Variants in NXN observed in about 807,000 individuals in gnomAD.
NXN encodes nucleoredoxin.
A neutral mutation model predicts 48.6 loss-of-function variants in NXN; 16 were observed. The ratio of observed to expected loss-of-function variants is 0.33; its 90% CI spans 0.22 to 0.50. The LOEUF (loss-of-function observed/expected upper bound fraction) is 0.50. Among genes scored for constraint, NXN ranks in the 20% least tolerant of loss-of-function variants. The pLI is 0.98. For synonymous variants in NXN, 281 were observed against 269.6 expected (o/e 1.04, Z -0.41); for missense variants, 492 against 605.5 (o/e 0.81, Z 1.97).
Position 837,119 on chromosome 17 carries a change from G to A in NXN, c.361-11041C>T, listed in dbSNP as rs140390588. Among the ~76,000 whole-genome samples the A allele has an allele frequency of 7.5e-3, 1,135 of 152,146 alleles. 17 individuals carry two copies. Among genetic ancestry groups the A allele is most frequent in the African/African-American group, 0.026 (1,074 of 41,496 alleles). On this transcript the variant is annotated intron_variant, in intron 1 of 7. Coordinates refer to ENST00000336868, the MANE Select transcript of NXN (RefSeq NM_022463.5). The stretch of plus-strand genomic sequence containing the variant: ...TCAGCCTCCGAGGAGCTGGGACTAC[G>A]GTCGCACACCACCATGCCTCACTAA...
At chr17:903,562 T>A (rs752286167) in intron 1 of NXN, among the ~76,000 whole-genome samples, 5 of 151,710 alleles carry the variant, frequency 3.3e-5, no homozygotes, top group African/African-American at 1.2e-4. Flanking sequence ...TTAAAATTTT[T>A]TGTAAAGACG....
At chr17:915,080 A>G (rs369362913) in intron 1 of NXN, among the ~76,000 whole-genome samples, 3 of 149,770 alleles carry the variant, frequency 2.0e-5, no homozygotes, top group Non-Finnish European at 1.5e-5. Context: ...GAATACAGGC[A>G]CCCGCCACAA....
In NXN at chr17:979,725, G is replaced by C. The variant is rs762098354; in HGVS notation, c.-47C>G. On this transcript the variant is annotated 5_prime_UTR_variant, in exon 1 of 8. Coordinates refer to ENST00000336868, the MANE Select transcript of NXN (RefSeq NM_022463.5). ...CAGGCGGCTGCGACCCCGCTCCACG[G>C]TCCGCGCGGCGGGAGGAGGCGGCGG... The C allele has an allele frequency of 6.2e-6, 8 of 1,284,030 alleles. No homozygotes were observed. Among genetic ancestry groups the C allele is most frequent in the Non-Finnish European group, 7.9e-6 (8 of 1,014,444 alleles). 79.5% of individuals were successfully genotyped at this position (1,284,030 alleles called of 1,614,324 possible). A position where few individuals can be genotyped will look rare whatever the true frequency, so the allele number is the denominator to read the frequency against.
intron 1 of NXN, among the ~76,000 whole-genome samples, chr17:962,052 T>G (rs2069243926): frequency 6.6e-6 from 1 of 152,134 alleles, no homozygotes; most frequent in Non-Finnish European, 1.5e-5. Flanking sequence ...GGAGAATCAC[T>G]TGAACCCGGG....
intron 1 of NXN, among the ~76,000 whole-genome samples, chr17:858,009 G>A (rs1264365951): frequency 2.1e-5 from 3 of 139,718 alleles, no homozygotes; most frequent in Admixed American, 7.6e-5. Context: ...TCGCTCTGTC[G>A]CCCCAGGCTG....
chr17:929,246 ACCACCTGGCCCAGG>A lies in NXN; in HGVS notation c.360+50059_360+50072del, dbSNP rs2068830269. Reference sequence around the variant, plus strand: ...GCTGCGGCCCTCCACTCTGTCCCCCACCACCTGGCCCAGGCCACTCGCTTCACCTGCCTGGCCCT... The same window carrying A: ...GCTGCGGCCCTCCACTCTGTCCCCCACCACTCGCTTCACCTGCCTGGCCCT... On this transcript the variant is annotated intron_variant, in intron 1 of 7. Coordinates refer to ENST00000336868, the MANE Select transcript of NXN (RefSeq NM_022463.5). Among the ~76,000 whole-genome samples, 4 of 152,266 alleles carry A rather than the reference ACCACCTGGCCCAGG, an allele frequency of 2.6e-5. No individual in the cohort carries two copies. The South Asian group carries it at 8.3e-4, about 32-fold the overall frequency.
intron 5 of NXN, among the ~76,000 whole-genome samples, chr17:809,892 A>C (rs75211558): frequency 0.19 from 22,975 of 121,520 alleles, 3,483 homozygotes; most frequent in East Asian, 0.3. Flanking sequence ...GTGTACGTTA[A>C]GAGTCCCTGT....
chr17:911,588 C>T (rs533196849), intron 1 of NXN, among the ~76,000 whole-genome samples: 2 of 152,028 alleles, frequency 1.3e-5, no homozygotes, highest in East Asian at 1.9e-4. Context: ...CTCAGCCTCC[C>T]AAAGTATTGG....
intron 1 of NXN, among the ~76,000 whole-genome samples, chr17:835,284 GA>G (rs1913747631): frequency 1.4e-5 from 2 of 146,060 alleles, no homozygotes; most frequent in Non-Finnish European, 3.0e-5. Context: ...CTCCAGCCTG[GA>G]AGACAGACCG....
chr17:809,864 C>A (rs1269815607), intron 5 of NXN, among the ~76,000 whole-genome samples: 1 of 151,668 alleles, frequency 6.6e-6, no homozygotes, highest in Non-Finnish European at 1.5e-5. Context: ...GGGCACCTTA[C>A]GAGTCAGTGT....
At chr17:884,247 T>TAAATAAATA (rs112696538) in intron 1 of NXN, among the ~76,000 whole-genome samples, 2,938 of 149,346 alleles carry the variant, frequency 0.02, 44 homozygotes, top group South Asian at 0.057. Flanking sequence ...AATAAATAAA[T>TAAATAAATA]AATAAAACGA....
At chr17:883,989 C>T (rs1442316131) in intron 1 of NXN, among the ~76,000 whole-genome samples, 3 of 152,092 alleles carry the variant, frequency 2.0e-5, no homozygotes, top group East Asian at 1.9e-4. Context: ...GAGGCCAAGA[C>T]GGGCGGATCA....
chr17:951,127 AG>A (rs1283322089), intron 1 of NXN, among the ~76,000 whole-genome samples: 1 of 137,266 alleles, frequency 7.3e-6, no homozygotes, highest in African/African-American at 2.7e-5. Context: ...TTTTGAGGTT[AG>A]AAGTTCGAAA....
chr17:859,588 T>C (rs1053310288), intron 1 of NXN, among the ~76,000 whole-genome samples: 3 of 152,032 alleles, frequency 2.0e-5, no homozygotes, highest in African/African-American at 7.2e-5. Context: ...ACTACTCAAA[T>C]ACAAAACAAC....
chr17:917,614 C>A lies in NXN; in HGVS notation c.360+61705G>T, dbSNP rs2068701457. ...GTGTCTACAGGCTCGATTCCCAGCT[C>A]TCCCACAAGGACGTGGCTCAGACGC... On this transcript the variant is annotated intron_variant, in intron 1 of 7. Transcript: ENST00000336868. The surrounding 1 kb of genome is among the most constrained non-coding windows in gnomAD (Gnocchi z 4.5). Among the ~76,000 whole-genome samples, 1 of 152,236 alleles carries A rather than the reference C, an allele frequency of 6.6e-6. No homozygotes were observed. Among genetic ancestry groups the A allele is most frequent in the South Asian group, 2.1e-4 (1 of 4,836 alleles).
At chr17:979,297 C>A in intron 1 of NXN, 22 bp downstream of exon 1, 1 of 1,301,462 alleles carries the variant, frequency 7.7e-7, no homozygotes, top group Non-Finnish European at 1.0e-6. Context: ...GGGCAGGGGC[C>A]GGCGAGGCCC....
chr17:818,209 C>T (rs192637927), intron 5 of NXN, among the ~76,000 whole-genome samples: 285 of 152,036 alleles, frequency 1.9e-3, no homozygotes, highest in Non-Finnish European at 3.0e-3. Flanking sequence ...TGTGGTGAGC[C>T]GAGATCACGC....
chr17:835,037 G>C lies in NXN; in HGVS notation c.361-8959C>G, dbSNP rs1009473979. ...GAAAACGTCACAGCAGGCCTGGCGC[G>C]GTGGCTCACGCCCGTAATCCCAGCA... On this transcript the variant is annotated intron_variant, in intron 1 of 7. Transcript: ENST00000336868. Among the ~76,000 whole-genome samples, 9 of 151,726 alleles carry C rather than the reference G, an allele frequency of 5.9e-5. 1 individual carries two copies. Among genetic ancestry groups the C allele is most frequent in the Admixed American group, 5.9e-4 (9 of 15,240 alleles).
chr17:952,218 T>G, intron 1 of NXN, among the ~76,000 whole-genome samples: 1 of 105,326 alleles, frequency 9.5e-6, no homozygotes. Context: ...ACCCGGCAGG[T>G]ACCACGGACG....
Sources: gnomAD v4.1 joint callset for allele counts (sites outside exome capture counted in the v4.1 genomes callset) on GRCh38, gnomAD v4.1.1 for gene constraint, Gnocchi (gnomAD v3.1) non-coding constraint, MANE v1.5 for transcripts, NCBI Gene and HGNC (gene_info 2026-07-23, HGNC 2026-07-21) for gene names.